HPCAL1: variants seen among roughly 807,000 people sequenced by gnomAD.
The protein encoded by HPCAL1 is hippocalcin-like protein 1.
In HPCAL1, 8 loss-of-function variants were observed where a neutral mutation model predicts 17.1. The observed-to-expected ratio is 0.47, with a 90% CI of 0.27 to 0.84. The LOEUF (loss-of-function observed/expected upper bound fraction) is 0.84, where lower values mean the gene tolerates loss of function less well. Ranked by LOEUF, HPCAL1 falls within the 40% of genes least tolerant of loss-of-function variation. HPCAL1 has a pLI of 0.13. For synonymous variants in HPCAL1, 112 were observed against 111.4 expected, an observed-to-expected ratio of 1.01 and a Z score of -0.03; for missense variants, 165 against 271.1, an observed-to-expected ratio of 0.61 and a Z score of 2.75.
At chr2:10,339,455 C>A (rs1664930646) in intron 1 of HPCAL1, among the ~76,000 whole-genome samples, 2 of 152,186 alleles carry the variant, frequency 1.3e-5, no homozygotes, top group Admixed American at 6.5e-5. Context: ...CAGGCACATG[C>A]CACCATGCCC....
chr2:10,355,686 C>T (rs1382251042), intron 1 of HPCAL1, among the ~76,000 whole-genome samples: 1 of 152,086 alleles, frequency 6.6e-6, no homozygotes. Flanking sequence ...TCACCTCCTC[C>T]GTTCTTGCCC....
chr2:10,382,576 A>C (rs1465063575), intron 1 of HPCAL1, among the ~76,000 whole-genome samples: 4 of 148,714 alleles, frequency 2.7e-5, no homozygotes, highest in African/African-American at 1.0e-4. Flanking sequence ...CAGCTCTAAA[A>C]AATAAAGTTC....
Position 10,338,922 on chromosome 2 carries a change from G to A in HPCAL1, c.-111+35745G>A, listed in dbSNP as rs374838134. On this transcript the variant is annotated intron_variant, in intron 1 of 4. Transcript: ENST00000307845. ...TTTATTGAGTACTTACTGCCTGCCTGCTACTGTAACTAAGTGCTTTACTCC... is the reference window on the plus strand; with the variant it reads ...TTTATTGAGTACTTACTGCCTGCCTACTACTGTAACTAAGTGCTTTACTCC... 1.6e-4 allele frequency among the ~76,000 whole-genome samples: 25 copies of A among 152,228 alleles called. No individual in the cohort carries two copies. The East Asian group carries it at 4.6e-3, about 28-fold the overall frequency.
intron 1 of HPCAL1, among the ~76,000 whole-genome samples, chr2:10,378,159 C>T (rs768564610): frequency 1.3e-5 from 2 of 150,746 alleles, no homozygotes; most frequent in African/African-American, 4.9e-5. Context: ...AATTCTCTGC[C>T]GTCTTGCAGA....
chr2:10,403,734 C>T (rs2125595739), intron 2 of HPCAL1, among the ~76,000 whole-genome samples: 1 of 152,212 alleles, frequency 6.6e-6, no homozygotes, highest in East Asian at 1.9e-4. Flanking sequence ...CCGCCCACCT[C>T]ACCCTCCCAA....
chr2:10,346,913 GTTAGATT>G (rs1282523495), intron 1 of HPCAL1, among the ~76,000 whole-genome samples: 6 of 142,034 alleles, frequency 4.2e-5, no homozygotes, highest in Non-Finnish European at 7.5e-5. Context: ...CCTGGAGGAT[GTTAGATT>G]TTAAACATTT....
At chr2:10,350,991 C>T (rs1026024376) in intron 1 of HPCAL1, among the ~76,000 whole-genome samples, 1 of 152,316 alleles carries the variant, frequency 6.6e-6, no homozygotes, top group African/African-American at 2.4e-5. Flanking sequence ...GGTGCAGCCT[C>T]TTCAGAAAAC....
chr2:10,312,708 CA>C (rs1663064587), intron 1 of HPCAL1, among the ~76,000 whole-genome samples: 1 of 152,020 alleles, frequency 6.6e-6, no homozygotes, highest in Non-Finnish European at 1.5e-5. Flanking sequence ...CCATCCCCAT[CA>C]TCATCACCAT....
At position 10,343,174 on chromosome 2, in the gene HPCAL1, T is replaced by C. The variant is rs1171167796; in HGVS notation, c.-111+39997T>C. Among the ~76,000 whole-genome samples the C allele has an allele frequency of 6.6e-6, 1 of 152,158 alleles. No homozygotes were observed. The highest frequency in any genetic ancestry group is 1.5e-5 in the Non-Finnish European group (1 of 68,032). ...TGTCACAATATTAAAATAACTTCCA[T>C]GGTAGTTGGTAAATAGCCCCATCAC... On this transcript the variant is annotated intron_variant, in intron 1 of 4. Transcript: ENST00000307845. The surrounding 1 kb of genome is among the most constrained non-coding windows in gnomAD (Gnocchi z 4.8).
chr2:10,418,461 A>C (rs1160924321), intron 2 of HPCAL1, among the ~76,000 whole-genome samples: 4 of 150,830 alleles, frequency 2.7e-5, no homozygotes, highest in Admixed American at 6.6e-5. Flanking sequence ...AAAAAAAAAA[A>C]AAAAAAAAAA....
intron 4 of HPCAL1, chr2:10,424,076 G>A (rs1671251770): frequency 5.5e-6 from 1 of 181,460 alleles, no homozygotes; most frequent in Non-Finnish European, 1.2e-5. Context: ...CTGGGCGATA[G>A]AGTGAGACTC....
rs564651736 is a variant in HPCAL1, at chr2:10,359,055, C to T, written c.-110-37780C>T. Among the ~76,000 whole-genome samples, 1 of 152,092 alleles carries T rather than the reference C, an allele frequency of 6.6e-6. No homozygotes were observed. The highest frequency in any genetic ancestry group is 2.1e-4 in the South Asian group (1 of 4,820). On this transcript the variant is annotated intron_variant, in intron 1 of 4. Coordinates refer to ENST00000307845, the MANE Select transcript of HPCAL1 (RefSeq NM_002149.4). This position sits in a 1 kb window ranked among gnomAD's most constrained non-coding sequence, Gnocchi z 4.1. ...TTGAGGTTTGACCCGTCTGCATGCT[C>T]CCCTCGAGGTTTGACCCGTCTGCAT... is the stretch of plus-strand genomic sequence containing the variant.
In HPCAL1 at chr2:10,331,868, C is replaced by T. The variant is rs1197012536; in HGVS notation, c.-111+28691C>T. 6.6e-6 allele frequency among the ~76,000 whole-genome samples: 1 copy of T among 151,952 alleles called. No individual in the cohort carries two copies. Among genetic ancestry groups the T allele is most frequent in the Non-Finnish European group, 1.5e-5 (1 of 68,018 alleles). ...CCTTCTTGTCACCCGTTGTCATTTA[C>T]GAGACAGCCCTGTGTCACCTGTTGA... is the stretch of plus-strand genomic sequence containing the variant. On this transcript the variant is annotated intron_variant, in intron 1 of 4. Coordinates refer to ENST00000307845, the MANE Select transcript of HPCAL1 (RefSeq NM_002149.4). This position sits in a 1 kb window ranked among gnomAD's most constrained non-coding sequence, Gnocchi z 5.0.
At chr2:10,387,595 G>A (rs17487695) in intron 1 of HPCAL1, among the ~76,000 whole-genome samples, 7,041 of 152,288 alleles carry the variant, frequency 0.046, 238 homozygotes, top group Non-Finnish European at 0.07. Flanking sequence ...TTGCTCTTCC[G>A]GTATCATTAC....
intron 1 of HPCAL1, among the ~76,000 whole-genome samples, chr2:10,352,868 C>T (rs1665916842): frequency 6.6e-6 from 1 of 152,184 alleles, no homozygotes; most frequent in Non-Finnish European, 1.5e-5. Flanking sequence ...GTCTTTCTGG[C>T]CAACTAGTAA....
At chr2:10,387,979 A>C (rs1455265333) in intron 1 of HPCAL1, among the ~76,000 whole-genome samples, 1 of 152,116 alleles carries the variant, frequency 6.6e-6, no homozygotes, top group Non-Finnish European at 1.5e-5. Flanking sequence ...ATGGCCATGC[A>C]GGGGTGGAGG....
intron 1 of HPCAL1, among the ~76,000 whole-genome samples, chr2:10,314,589 A>C (rs1238828125): frequency 6.6e-6 from 1 of 152,204 alleles, no homozygotes; most frequent in Non-Finnish European, 1.5e-5. Flanking sequence ...AGGATCCTCT[A>C]GCAGGAAAAA....
rs1666678380 is a variant in HPCAL1 at position 10,363,932 on chromosome 2, G to T, written c.-110-32903G>T. Among the ~76,000 whole-genome samples, 1 of 152,228 alleles carries T rather than the reference G, an allele frequency of 6.6e-6. No individual in the cohort carries two copies. Among genetic ancestry groups the T allele is most frequent in the African/African-American group, 2.4e-5 (1 of 41,472 alleles). Reference sequence around the variant, plus strand: ...TTAGTGCCCTGAGCCGACTCAGCTGGTGCTCAGGGAGGCCTGATGATTCGG... The same window carrying T: ...TTAGTGCCCTGAGCCGACTCAGCTGTTGCTCAGGGAGGCCTGATGATTCGG... On this transcript the variant is annotated intron_variant, in intron 1 of 4. Transcript: ENST00000307845. This position sits in a 1 kb window ranked among gnomAD's most constrained non-coding sequence, Gnocchi z 4.7.
chr2:10,425,876 G>A (rs926293307), intron 4 of HPCAL1: 4 of 152,456 alleles, frequency 2.6e-5, no homozygotes, highest in Admixed American at 2.6e-4. Flanking sequence ...ACCAGCTGGA[G>A]CCAGAGGGAC....
Sources: allele counts gnomAD v4.1 joint callset (sites outside exome capture counted in the v4.1 genomes callset), GRCh38; gene constraint gnomAD v4.1.1; non-coding constraint Gnocchi (gnomAD v3.1); transcripts MANE v1.5; gene names NCBI Gene and HGNC (gene_info 2026-07-23, HGNC 2026-07-21).